Variants in HACE1 observed in about 807,000 individuals in gnomAD.
The protein encoded by HACE1 is HECT domain and ankyrin repeat containing E3 ubiquitin protein ligase 1, also known as E3 ubiquitin-protein ligase HACE1.
A neutral mutation model predicts 118.4 loss-of-function variants in HACE1; 73 were observed. The ratio of observed to expected loss-of-function variants is 0.62; its 90% CI spans 0.51 to 0.75. The LOEUF is 0.75. Among genes scored for constraint, HACE1 ranks in the 30% least tolerant of loss-of-function variants. HACE1 has a pLI of 0.00. For missense variants in HACE1, 749 were observed against 1,102.2 expected, an observed-to-expected ratio of 0.68 and a Z score of 4.54; for synonymous variants, 368 against 374.8, an observed-to-expected ratio of 0.98 and a Z score of 0.21.
At chr6:104,739,711 A>T (rs898800122) in intron 22 of HACE1, among the ~76,000 whole-genome samples, 2 of 151,408 alleles carry the variant, frequency 1.3e-5, no homozygotes, top group African/African-American at 4.8e-5. Flanking sequence ...CCCACACATT[A>T]ATAATGGGAG....
chr6:104,848,302 A>C (rs1775861077), intron 4 of HACE1, among the ~76,000 whole-genome samples: 1 of 151,558 alleles, frequency 6.6e-6, no homozygotes, highest in Non-Finnish European at 1.5e-5. Context: ...CTAAAAATAC[A>C]AAAATTAGCT....
chr6:104,797,189 G>A (rs895716407), intron 7 of HACE1, among the ~76,000 whole-genome samples, 164 bp from the exon 8 acceptor site: 1 of 151,968 alleles, frequency 6.6e-6, no homozygotes, highest in African/African-American at 2.4e-5. Context: ...TCAATGTTAA[G>A]CCATGCTTTC....
chr6:104,851,144 C>A (rs1016036502), intron 2 of HACE1, 148 bp from the exon 3 acceptor site: 1 of 628,848 alleles, frequency 1.6e-6, no homozygotes, highest in Non-Finnish European at 2.9e-6. Context: ...AGTACAGTGG[C>A]GAGATCTTGG....
chr6:104,794,402 T>C (rs566083305), intron 10 of HACE1, among the ~76,000 whole-genome samples: 1 of 152,316 alleles, frequency 6.6e-6, no homozygotes, highest in South Asian at 2.1e-4. Flanking sequence ...ATAACCATCA[T>C]CACCTCTACT....
intron 17 of HACE1, among the ~76,000 whole-genome samples, chr6:104,773,317 T>G (rs1780842111): frequency 6.6e-6 from 1 of 152,210 alleles, no homozygotes; most frequent in African/African-American, 2.4e-5. Context: ...TTTAGTCATT[T>G]TGACAATAAT....
At chr6:104,739,105 G>C (rs533684889) in intron 22 of HACE1, among the ~76,000 whole-genome samples, 222 of 152,008 alleles carry the variant, frequency 1.5e-3, no homozygotes, top group Middle Eastern at 3.4e-3. Flanking sequence ...ATACTTTACA[G>C]ACAAGCAAAT....
chr6:104,804,971 C>T (rs936794065), intron 7 of HACE1, among the ~76,000 whole-genome samples: 3 of 152,034 alleles, frequency 2.0e-5, no homozygotes, highest in East Asian at 3.9e-4. Flanking sequence ...TGACAAAGGG[C>T]TAATATCCAG....
chr6:104,845,273 T>C lies in HACE1; in HGVS notation c.327-1975A>G, dbSNP rs149119727. 6.7e-3 allele frequency among the ~76,000 whole-genome samples: 1,027 copies of C among 152,182 alleles called. 12 individuals carry two copies. The highest frequency in any genetic ancestry group is 0.024 in the African/African-American group (983 of 41,532). On this transcript the variant is annotated intron_variant, in intron 4 of 23. Coordinates refer to ENST00000262903, the MANE Select transcript of HACE1 (RefSeq NM_020771.4). ...TCAGTAGTAAGCATAGCCAGGCTCA[T>C]AGTAGCTCTCAATAAAACTTTGATT...
chr6:104,777,396 C>T (rs1444871393), intron 14 of HACE1, 79 bp from the exon 15 acceptor site: 6 of 851,354 alleles, frequency 7.0e-6, no homozygotes, highest in Non-Finnish European at 1.2e-5. Context: ...TTGCTAAATG[C>T]CTTTTCTACA....
chr6:104,744,770 G>C (rs974573101), intron 20 of HACE1, among the ~76,000 whole-genome samples, 160 bp from the exon 21 acceptor site: 5 of 152,162 alleles, frequency 3.3e-5, no homozygotes, highest in African/African-American at 1.2e-4. Context: ...TTACATGAGA[G>C]AGAATCCTTG....
At chr6:104,812,295 G>GT (rs1771708797) in intron 6 of HACE1, among the ~76,000 whole-genome samples, 2 of 151,988 alleles carry the variant, frequency 1.3e-5, no homozygotes, top group African/African-American at 4.8e-5. Context: ...ATTAAAAAAT[G>GT]AGCTAGTCAT....
intron 19 of HACE1, among the ~76,000 whole-genome samples, chr6:104,768,227 C>T (rs992089847): frequency 2.3e-4 from 35 of 152,016 alleles, no homozygotes; most frequent in African/African-American, 8.0e-4. Context: ...TACAAAGGCC[C>T]TCTAACAAGT....
chr6:104,744,427 G>C (rs1043918599), intron 21 of HACE1, 85 bp downstream of exon 21: 1 of 868,374 alleles, frequency 1.2e-6, no homozygotes, highest in Non-Finnish European at 2.0e-6. Flanking sequence ...GTTAATTAAT[G>C]TAAGTTTTCA....
At chr6:104,757,161 C>G (rs1778810033) in intron 19 of HACE1, among the ~76,000 whole-genome samples, 1 of 152,222 alleles carries the variant, frequency 6.6e-6, no homozygotes, top group Admixed American at 6.5e-5. Context: ...AGGCAGCAGA[C>G]AGCTTCTCCA....
chr6:104,802,263 T>C (rs1335415120), intron 7 of HACE1, among the ~76,000 whole-genome samples: 1 of 152,050 alleles, frequency 6.6e-6, no homozygotes, highest in Non-Finnish European at 1.5e-5. Context: ...CACACAATAA[T>C]AATGGGAGAC....
chr6:104,802,233 T>C (rs1582546534), intron 7 of HACE1, among the ~76,000 whole-genome samples: 1 of 152,030 alleles, frequency 6.6e-6, no homozygotes, highest in Non-Finnish European at 1.5e-5. Context: ...CTTAGAGACA[T>C]ACAAAGAGAC....
At chr6:104,789,646 T>C (rs996077048) in intron 11 of HACE1, among the ~76,000 whole-genome samples, 2 of 152,110 alleles carry the variant, frequency 1.3e-5, no homozygotes, top group African/African-American at 4.8e-5. Flanking sequence ...TTAACACATA[T>C]TTTCTGATAT....
At chr6:104,828,751 C>T (rs1773574610) in intron 6 of HACE1, among the ~76,000 whole-genome samples, 3 of 151,928 alleles carry the variant, frequency 2.0e-5, no homozygotes. Flanking sequence ...TATATGAAAT[C>T]ATATTTAAGA....
rs1291402746 is a variant in HACE1 at position 104,747,478 on chromosome 6, C to T, written c.2343+2863G>A. 2.6e-5 allele frequency among the ~76,000 whole-genome samples: 4 copies of T among 152,114 alleles called. No individual in the cohort carries two copies. The East Asian group carries it at 7.8e-4, about 30-fold the overall frequency. On this transcript the variant is annotated intron_variant, in intron 20 of 23. Coordinates refer to ENST00000262903, the MANE Select transcript of HACE1 (RefSeq NM_020771.4). ...TGCACATCTAGTTTAGACGTTTGTACCAAATTTTTTAAAAGTTTCCTTTCT... is the reference window on the plus strand; with the variant it reads ...TGCACATCTAGTTTAGACGTTTGTATCAAATTTTTTAAAAGTTTCCTTTCT...
Sources: gnomAD v4.1 joint callset for allele counts (sites outside exome capture counted in the v4.1 genomes callset) on GRCh38, gnomAD v4.1.1 for gene constraint, MANE v1.5 for transcripts, NCBI Gene and HGNC (gene_info 2026-07-23, HGNC 2026-07-21) for gene names.